The following DR1 variants were observed in gnomAD, a reference collection of about 807,000 sequenced individuals.
DR1 encodes protein Dr1.
A neutral mutation model predicts 19.9 loss-of-function variants in DR1; 7 were observed. The observed-to-expected ratio is 0.35, with a 90% CI of 0.20 to 0.66. DR1 has a LOEUF of 0.66. DR1 is among the 30% of genes least tolerant of loss of function. The pLI is 0.66. For synonymous variants in DR1, 76 were observed against 72.5 expected, an observed-to-expected ratio of 1.05 and a Z score of -0.24; for missense variants, 98 against 203.7, an observed-to-expected ratio of 0.48 and a Z score of 3.16.
intron 2 of DR1, among the ~76,000 whole-genome samples, chr1:93,356,578 G>A (rs1281067283): frequency 6.6e-6 from 1 of 152,098 alleles, no homozygotes; most frequent in Non-Finnish European, 1.5e-5. Context: ...TAAAACCTTT[G>A]TAGAGACTTG....
At position 93,363,817 on chromosome 1, in the gene DR1, A is replaced by G. The variant is rs766521848; in HGVS notation, c.*3178A>G. ...CATTCTTATTGTTGCATGTATTTGT[A>G]GTTCATTCATTCTCATTGCTGTATA... On this transcript the variant is annotated 3_prime_UTR_variant, in exon 3 of 3. Transcript: ENST00000370272. 6.6e-6 allele frequency: 1 copy of G among 152,230 alleles called. No homozygotes were observed. The highest frequency in any genetic ancestry group is 6.5e-5 in the Admixed American group (1 of 15,286). The allele number at this position is 152,230 out of a possible 1,614,324, so 9.4% of individuals were successfully genotyped here.
chr1:93,346,048 T>G lies in DR1; in HGVS notation c.-598T>G, dbSNP rs1666827952. On this transcript the variant is annotated 5_prime_UTR_variant, in exon 1 of 3. Transcript: ENST00000370272. ...CACTGCGACTCCCACTGTGCCTGGCTCTGTCCATATTAGTTCCCAGGCGGC... is the reference window on the plus strand; with the variant it reads ...CACTGCGACTCCCACTGTGCCTGGCGCTGTCCATATTAGTTCCCAGGCGGC... 5.9e-6 allele frequency: 1 copy of G among 170,340 alleles called. No individual in the cohort carries two copies. Among genetic ancestry groups the G allele is most frequent in the Non-Finnish European group, 1.2e-5 (1 of 80,222 alleles). The allele number at this position is 170,340 out of a possible 1,614,324, so 10.6% of individuals were successfully genotyped here.
rs1418302933 is a variant in DR1 at position 93,364,134 on chromosome 1, T to C, written c.*3495T>C. The C allele has an allele frequency of 6.6e-6, 1 of 152,202 alleles. No individual in the cohort carries two copies. Among genetic ancestry groups the C allele is most frequent in the Non-Finnish European group, 1.5e-5 (1 of 68,020 alleles). 9.4% of individuals were successfully genotyped at this position (152,202 alleles called of 1,614,324 possible). A position where few individuals can be genotyped will look rare whatever the true frequency, so the allele number is the denominator to read the frequency against. ...TGTGTAGCATAAAAATGAATTACGC[T>C]AATGATCTTAGTGGGTTGAATTTCT... On this transcript the variant is annotated 3_prime_UTR_variant, in exon 3 of 3. Transcript: ENST00000370272.
At position 93,367,941 on chromosome 1, in the gene DR1, G is replaced by T. The variant is rs1667186641; in HGVS notation, c.*7302G>T. 6.6e-6 allele frequency: 1 copy of T among 152,242 alleles called. No individual in the cohort carries two copies. Among genetic ancestry groups the T allele is most frequent in the African/African-American group, 2.4e-5 (1 of 41,412 alleles). 9.4% of individuals were successfully genotyped at this position (152,242 alleles called of 1,614,324 possible). On this transcript the variant is annotated 3_prime_UTR_variant, in exon 3 of 3. Transcript: ENST00000370272. ...GCAGGGGATTTCTTGAACCCAGAAG[G>T]CGGAGGTTGCAGTGAGTTGAGATCG...
chr1:93,347,238 G>A (rs1027947870), intron 1 of DR1, among the ~76,000 whole-genome samples: 3 of 152,166 alleles, frequency 2.0e-5, no homozygotes, highest in African/African-American at 7.2e-5. Context: ...TTCAGACGGA[G>A]GAACTTCAAC....
rs1407317929 is a variant in DR1, at chr1:93,366,465, A to C, written c.*5826A>C. ...AAAGTCTTTATATTCATATAAAGAT[A>C]ATTTATAATACAATAAGTCCTCAAT... is the stretch of plus-strand genomic sequence containing the variant. On this transcript the variant is annotated 3_prime_UTR_variant, in exon 3 of 3. Coordinates refer to ENST00000370272, the MANE Select transcript of DR1 (RefSeq NM_001938.3). 1 of 152,214 alleles carries C rather than the reference A, an allele frequency of 6.6e-6. No individual in the cohort carries two copies. The highest frequency in any genetic ancestry group is 1.5e-5 in the Non-Finnish European group (1 of 68,044). 9.4% of individuals were successfully genotyped at this position (152,214 alleles called of 1,614,324 possible). A position where few individuals can be genotyped will look rare whatever the true frequency, so the allele number is the denominator to read the frequency against.
chr1:93,349,455 G>C (rs1437852922), intron 1 of DR1, among the ~76,000 whole-genome samples: 1 of 152,062 alleles, frequency 6.6e-6, no homozygotes, highest in Non-Finnish European at 1.5e-5. Flanking sequence ...TTGACATTGA[G>C]AGTCAGCTGT....
rs913332759 is a variant in DR1, at chr1:93,364,479, A to G, written c.*3840A>G. 5 of 152,176 alleles carry G rather than the reference A, an allele frequency of 3.3e-5. No homozygotes were observed. The highest frequency in any genetic ancestry group is 2.1e-4 in the South Asian group (1 of 4,832). 9.4% of individuals were successfully genotyped at this position (152,176 alleles called of 1,614,324 possible). A position where few individuals can be genotyped will look rare whatever the true frequency, so the allele number is the denominator to read the frequency against. ...GTCTGTCCAACTCATCTATATCCAA[A>G]TGGCCATTAGGAAGAATTATCCAAT... On this transcript the variant is annotated 3_prime_UTR_variant, in exon 3 of 3. Transcript: ENST00000370272.
At position 93,368,806 on chromosome 1, in the gene DR1, T is replaced by A. The variant is rs1667199888; in HGVS notation, c.*8167T>A. On this transcript the variant is annotated 3_prime_UTR_variant, in exon 3 of 3. Transcript: ENST00000370272. ...TGCAGTTGCCTTACACATATACTAGTAGCCCTTACAAAATTTCGTCTGTCT... is the reference window on the plus strand; with the variant it reads ...TGCAGTTGCCTTACACATATACTAGAAGCCCTTACAAAATTTCGTCTGTCT... The A allele has an allele frequency of 6.6e-6, 1 of 152,132 alleles. No individual in the cohort carries two copies. Among genetic ancestry groups the A allele is most frequent in the African/African-American group, 2.4e-5 (1 of 41,420 alleles). 9.4% of individuals were successfully genotyped at this position (152,132 alleles called of 1,614,324 possible).
intron 1 of DR1, among the ~76,000 whole-genome samples, chr1:93,347,313 T>C (rs1468891098): frequency 6.6e-6 from 1 of 152,208 alleles, no homozygotes; most frequent in African/African-American, 2.4e-5. Context: ...AAAAGATTTA[T>C]TTTCTGAACA....
rs1557747820 is a variant in DR1 at position 93,360,781 on chromosome 1, T to A, written c.*142T>A. ...TTCTAGGGATGTCTGCTATTAAGTTTCATCTATTGTGTGCTATACATGTAA... is the reference window on the plus strand; with the variant it reads ...TTCTAGGGATGTCTGCTATTAAGTTACATCTATTGTGTGCTATACATGTAA... On this transcript the variant is annotated 3_prime_UTR_variant, in exon 3 of 3. Coordinates refer to ENST00000370272, the MANE Select transcript of DR1 (RefSeq NM_001938.3). The A allele has an allele frequency of 1.1e-6, 1 of 909,150 alleles. No individual in the cohort carries two copies. Among genetic ancestry groups the A allele is most frequent in the East Asian group, 2.9e-5 (1 of 34,530 alleles). The allele number at this position is 909,150 out of a possible 1,614,324, so 56.3% of individuals were successfully genotyped here. A position where few individuals can be genotyped will look rare whatever the true frequency, so the allele number is the denominator to read the frequency against.
At position 93,366,419 on chromosome 1, in the gene DR1, A is replaced by G. The variant is rs1224902536; in HGVS notation, c.*5780A>G. 6.6e-6 allele frequency: 1 copy of G among 152,214 alleles called. No homozygotes were observed. Among genetic ancestry groups the G allele is most frequent in the Non-Finnish European group, 1.5e-5 (1 of 68,028 alleles). 9.4% of individuals were successfully genotyped at this position (152,214 alleles called of 1,614,324 possible). On this transcript the variant is annotated 3_prime_UTR_variant, in exon 3 of 3. Transcript: ENST00000370272. ...GTTATTTTTGAGTGCACAGATCTGT[A>G]TATTCGCAATTGAAATAGGGAAAGT...
At chr1:93,349,681 C>A (rs141047056) in intron 1 of DR1, among the ~76,000 whole-genome samples, 51 of 152,176 alleles carry the variant, frequency 3.4e-4, no homozygotes, top group African/African-American at 1.2e-3. Context: ...TTTGCGTCTT[C>A]AGCTGTTGAG....
chr1:93,346,106 C>T lies in DR1; in HGVS notation c.-540C>T. The T allele has an allele frequency of 9.5e-6, 2 of 210,348 alleles. No homozygotes were observed. Among genetic ancestry groups the T allele is most frequent in the Admixed American group, 6.0e-5 (1 of 16,618 alleles). 13.0% of individuals were successfully genotyped at this position (210,348 alleles called of 1,614,324 possible). A position where few individuals can be genotyped will look rare whatever the true frequency, so the allele number is the denominator to read the frequency against. ...GTTCCAGCAGCGGCAGCGGCAGCGG[C>T]AGCGGCGGACATGTTGTGAGGCGGC... On this transcript the variant is annotated 5_prime_UTR_variant, in exon 1 of 3. Coordinates refer to ENST00000370272, the MANE Select transcript of DR1 (RefSeq NM_001938.3).
Position 93,346,473 on chromosome 1 carries a change from CGA to C in DR1, c.-171_-170del. On this transcript the variant is annotated 5_prime_UTR_variant, in exon 1 of 3. Coordinates refer to ENST00000370272, the MANE Select transcript of DR1 (RefSeq NM_001938.3). ...ACTCATCCTAAATCTCTCACACACG[CGA>C]GTGTTCCCAGCCCTCAAGCCAGCTG... The C allele has an allele frequency of 1.6e-6, 1 of 608,890 alleles. No individual in the cohort carries two copies. The highest frequency in any genetic ancestry group is 4.4e-4 in the Middle Eastern group (1 of 2,282). 37.7% of individuals were successfully genotyped at this position (608,890 alleles called of 1,614,324 possible).
In DR1 at chr1:93,369,232, T is replaced by C. The variant is rs1261616364; in HGVS notation, c.*8593T>C. 1 of 152,048 alleles carries C rather than the reference T, an allele frequency of 6.6e-6. No individual in the cohort carries two copies. The highest frequency in any genetic ancestry group is 1.5e-5 in the Non-Finnish European group (1 of 67,990). The allele number at this position is 152,048 out of a possible 1,614,324, so 9.4% of individuals were successfully genotyped here. A position where few individuals can be genotyped will look rare whatever the true frequency, so the allele number is the denominator to read the frequency against. ...TATTTTTCTTCCACTAGAACTTTTT[T>C]CCCCAAAAATACTCTGGAAATACTG... is the stretch of plus-strand genomic sequence containing the variant. On this transcript the variant is annotated 3_prime_UTR_variant, in exon 3 of 3. Coordinates refer to ENST00000370272, the MANE Select transcript of DR1 (RefSeq NM_001938.3).
chr1:93,359,042 A>G (rs1025830209), intron 2 of DR1, among the ~76,000 whole-genome samples: 4 of 152,220 alleles, frequency 2.6e-5, no homozygotes, highest in African/African-American at 9.6e-5. Flanking sequence ...CACAAAGTAC[A>G]TGTTACAAAA....
chr1:93,367,149 C>CAAAAAAA lies in DR1; in HGVS notation c.*6521_*6527dup, dbSNP rs10586913. ...TGGGTGACAGAATGAGACCCTGTCT[C>CAAAAAAA]AAAAAAAAAAAAAAAAAGTAAAAAT... On this transcript the variant is annotated 3_prime_UTR_variant, in exon 3 of 3. Transcript: ENST00000370272. 7.0e-6 allele frequency: 1 copy of CAAAAAAA among 142,136 alleles called. No homozygotes were observed. 8.8% of individuals were successfully genotyped at this position (142,136 alleles called of 1,614,324 possible).
At position 93,360,702 on chromosome 1, in the gene DR1, A is replaced by C; in HGVS notation, c.*63A>C. On this transcript the variant is annotated 3_prime_UTR_variant, in exon 3 of 3. Transcript: ENST00000370272. The stretch of plus-strand genomic sequence containing the variant: ...TTTTCCCTGCACAACAAAAACAGTG[A>C]AAGAAATGCTTATCTGTAATTTTGT... The C allele has an allele frequency of 6.5e-7, 1 of 1,539,368 alleles. No homozygotes were observed.
Sources: allele counts gnomAD v4.1 joint callset (sites outside exome capture counted in the v4.1 genomes callset), GRCh38; gene constraint gnomAD v4.1.1; transcripts MANE v1.5; gene names NCBI Gene and HGNC (gene_info 2026-07-23, HGNC 2026-07-21).